METTL2A: variants seen among roughly 807,000 people sequenced by gnomAD.
METTL2A encodes the protein methyltransferase 2A, tRNA N3-cytidine.
A neutral mutation model predicts 49.4 loss-of-function variants in METTL2A; 45 were observed. The observed-to-expected ratio is 0.91, with a 90% CI of 0.72 to 1.17. The LOEUF is 1.17. Among genes scored for constraint, METTL2A ranks in the 50% most tolerant of loss-of-function variants. METTL2A has a pLI of 0.00. For synonymous variants in METTL2A, 118 were observed against 167.5 expected (o/e 0.70, Z 2.28); for missense variants, 361 against 462.2 (o/e 0.78, Z 2.01).
chr17:62,434,191 T>C (rs2070685432), intron 4 of METTL2A, among the ~76,000 whole-genome samples: 1 of 152,206 alleles, frequency 6.6e-6, no homozygotes, highest in East Asian at 1.9e-4. Flanking sequence ...CTCTCCCTTA[T>C]GATGGTCAGT....
chr17:62,433,876 A>G (rs957196189), intron 4 of METTL2A, among the ~76,000 whole-genome samples: 6 of 152,114 alleles, frequency 3.9e-5, no homozygotes, highest in Non-Finnish European at 5.9e-5. Context: ...AGCCTGGCCA[A>G]CATGGTGAAA....
chr17:62,431,783 C>T (rs568819944), intron 4 of METTL2A, among the ~76,000 whole-genome samples: 4 of 152,186 alleles, frequency 2.6e-5, no homozygotes, highest in South Asian at 2.1e-4. Flanking sequence ...TGCAGTGGCA[C>T]GATCTTGGCT....
intron 5 of METTL2A, among the ~76,000 whole-genome samples, chr17:62,438,973 A>ATTTTTTTTTT (rs1167283450): frequency 1.1e-5 from 1 of 93,548 alleles, no homozygotes; most frequent in East Asian, 4.3e-4. Context: ...CACTTGGCTA[A>ATTTTTTTTTT]TTTTTTTTTT....
rs568035642 is a variant in METTL2A at position 62,425,365 on chromosome 17, C to G, written c.203-934C>G. On this transcript the variant is annotated intron_variant, in intron 2 of 8. Coordinates refer to ENST00000311506, the MANE Select transcript of METTL2A (RefSeq NM_181725.4). Reference sequence around the variant, plus strand: ...GGGACTGTCATGATCACCTTAAAAACAGCCTTCATTTAAACTGTCCATACT... The same window carrying G: ...GGGACTGTCATGATCACCTTAAAAAGAGCCTTCATTTAAACTGTCCATACT... Among the ~76,000 whole-genome samples the G allele has an allele frequency of 4.9e-3, 630 of 129,534 alleles. 5 individuals are homozygous for G. The highest frequency in any genetic ancestry group is 0.017 in the African/African-American group (596 of 35,410). 85.0% of individuals were successfully genotyped at this position (129,534 alleles called of 152,430 possible). A position where few individuals can be genotyped will look rare whatever the true frequency, so the allele number is the denominator to read the frequency against.
intron 2 of METTL2A, among the ~76,000 whole-genome samples, chr17:62,426,000 C>CAA (rs1315462000): frequency 0.011 from 857 of 76,046 alleles, 7 homozygotes; most frequent in African/African-American, 0.039. Context: ...GACTCTGTCT[C>CAA]AAAAAAAAAA....
Position 62,451,391 on chromosome 17 carries a change from G to T in METTL2A, c.*2662G>T, listed in dbSNP as rs1417727304. ...TCGAACTCCCGACCTCAGGTGATCTGCCCGCCTTGGCCTCCCAAAGTGCTG... is the reference window on the plus strand; with the variant it reads ...TCGAACTCCCGACCTCAGGTGATCTTCCCGCCTTGGCCTCCCAAAGTGCTG... On this transcript the variant is annotated 3_prime_UTR_variant, in exon 9 of 9. Coordinates refer to ENST00000311506, the MANE Select transcript of METTL2A (RefSeq NM_181725.4). 6.6e-5 allele frequency among the ~76,000 whole-genome samples: 10 copies of T among 150,806 alleles called. No homozygotes were observed. The highest frequency in any genetic ancestry group is 1.3e-4 in the Non-Finnish European group (9 of 67,660).
At chr17:62,433,569 G>A (rs986085796) in intron 4 of METTL2A, among the ~76,000 whole-genome samples, 9 of 151,334 alleles carry the variant, frequency 5.9e-5, no homozygotes, top group Non-Finnish European at 1.3e-4. Context: ...GTGAAACCCC[G>A]TCTCTCCTAA....
chr17:62,434,133 G>A (rs771408771), intron 4 of METTL2A, among the ~76,000 whole-genome samples: 2 of 152,200 alleles, frequency 1.3e-5, no homozygotes, highest in Non-Finnish European at 2.9e-5. Context: ...TCGGAGCAGT[G>A]CTGTGGAATA....
chr17:62,441,968 A>T (rs1394231619), intron 6 of METTL2A, among the ~76,000 whole-genome samples: 2 of 151,228 alleles, frequency 1.3e-5, no homozygotes, highest in Non-Finnish European at 2.9e-5. Flanking sequence ...GGCTGGTCTC[A>T]AACTCCTGAC....
At chr17:62,433,956 G>A (rs1045417739) in intron 4 of METTL2A, among the ~76,000 whole-genome samples, 2 of 152,066 alleles carry the variant, frequency 1.3e-5, no homozygotes, top group Admixed American at 1.3e-4. Flanking sequence ...GAGCTACTTG[G>A]GGGGCTGAGG....
At position 62,449,283 on chromosome 17, in the gene METTL2A, A is replaced by G; in HGVS notation, c.*554A>G. 1 of 374,286 alleles carries G rather than the reference A, an allele frequency of 2.7e-6. No homozygotes were observed. The highest frequency in any genetic ancestry group is 9.2e-4 in the Middle Eastern group (1 of 1,082). The allele number at this position is 374,286 out of a possible 1,614,324, so 23.2% of individuals were successfully genotyped here. On this transcript the variant is annotated 3_prime_UTR_variant, in exon 9 of 9. Coordinates refer to ENST00000311506, the MANE Select transcript of METTL2A (RefSeq NM_181725.4). ...CAGTTAATACATACAGAGGTTAGTGAAGGGCTTATTAAGTTGTAGGGGAAG... is the reference window on the plus strand; with the variant it reads ...CAGTTAATACATACAGAGGTTAGTGGAGGGCTTATTAAGTTGTAGGGGAAG...
chr17:62,424,430 C>T lies in METTL2A; in HGVS notation c.202+120C>T. On this transcript the variant is annotated intron_variant, in intron 2 of 8. Transcript: ENST00000311506. ...TTTATTCCTGGCCTGATGCAGATCT[C>T]AGGAGTAGAGCGGGACAGGGAGGGG... 2.1e-6 allele frequency: 3 copies of T among 1,423,208 alleles called. No individual in the cohort carries two copies. In the East Asian group the frequency reaches 7.2e-5, roughly 34 times the overall value. 88.2% of individuals were successfully genotyped at this position (1,423,208 alleles called of 1,614,324 possible). A position where few individuals can be genotyped will look rare whatever the true frequency, so the allele number is the denominator to read the frequency against.
chr17:62,443,754 T>A (rs913537482), intron 6 of METTL2A, among the ~76,000 whole-genome samples: 3 of 152,130 alleles, frequency 2.0e-5, no homozygotes, highest in Non-Finnish European at 4.4e-5. Flanking sequence ...CATCCCTGGC[T>A]AATTTTTTTG....
intron 1 of METTL2A, 92 bp from the exon 2 acceptor site, chr17:62,424,127 C>A: frequency 6.3e-7 from 1 of 1,593,790 alleles, no homozygotes; most frequent in South Asian, 1.1e-5. Context: ...ACCCGAGGCA[C>A]TCTCCAAGGG....
Position 62,450,247 on chromosome 17 carries a change from C to CATTTTTTTT in METTL2A, c.*1518_*1519insATTTTTTTT, listed in dbSNP as rs1396756918. 11 of 80,540 alleles carry CATTTTTTTT rather than the reference C, an allele frequency of 1.4e-4. 3 individuals carry two copies. Among genetic ancestry groups the CATTTTTTTT allele is most frequent in the African/African-American group, 1.3e-4 (2 of 15,966 alleles). 5.0% of individuals were successfully genotyped at this position (80,540 alleles called of 1,614,324 possible). A position where few individuals can be genotyped will look rare whatever the true frequency, so the allele number is the denominator to read the frequency against. Reference sequence around the variant, plus strand: ...TGTGATCATTATCAGTGTTAGATGCCTTTTTTTTTTTTTTTTTTTTTTTTT... The same window carrying CATTTTTTTT: ...TGTGATCATTATCAGTGTTAGATGCCATTTTTTTTTTTTTTTTTTTTTTTTTTTTTTTTT... On this transcript the variant is annotated 3_prime_UTR_variant, in exon 9 of 9. Transcript: ENST00000311506.
chr17:62,426,522 G>A lies in METTL2A; in HGVS notation c.426G>A (p.Lys142=). 1 of 1,574,722 alleles carries A rather than the reference G, an allele frequency of 6.4e-7. No homozygotes were observed. Among genetic ancestry groups the A allele is most frequent in the Non-Finnish European group, 8.7e-7 (1 of 1,147,822 alleles). Residue 142 remains lysine, a synonymous_variant, in exon 3 of 9, where the codon AAG becomes AAA. Transcript: ENST00000311506. ...GTTTAATAATGGAAGAACAGCACAA[G>A]TGTTCTTCAAAGAGCCTTGAACATA... ...GPGLIMEEQH[K]CSSKSLEHKT...
intron 3 of METTL2A, among the ~76,000 whole-genome samples, chr17:62,427,009 G>C (rs2070633045): frequency 6.6e-6 from 1 of 152,212 alleles, no homozygotes; most frequent in Admixed American, 6.5e-5. Context: ...AGAAGAAATT[G>C]TTGCTTCTCT....
rs1237747579 is a variant in METTL2A at position 62,449,031 on chromosome 17, C to T, written c.*302C>T. On this transcript the variant is annotated 3_prime_UTR_variant, in exon 9 of 9. Transcript: ENST00000311506. The stretch of plus-strand genomic sequence containing the variant: ...TTGTATCAGGATTCTAACAATTATG[C>T]TTCATATTTGTGAAGTCCTTTAAAA... 3.4e-6 allele frequency: 1 copy of T among 295,928 alleles called. No homozygotes were observed. The highest frequency in any genetic ancestry group is 6.8e-5 in the East Asian group (1 of 14,650). The allele number at this position is 295,928 out of a possible 1,614,324, so 18.3% of individuals were successfully genotyped here. A position where few individuals can be genotyped will look rare whatever the true frequency, so the allele number is the denominator to read the frequency against.
intron 4 of METTL2A, among the ~76,000 whole-genome samples, chr17:62,434,097 G>A (rs1422252620): frequency 1.3e-5 from 2 of 152,202 alleles, no homozygotes; most frequent in Admixed American, 1.3e-4. Context: ...GCTGATTAGA[G>A]AACAGGACAG....
Sources: gnomAD v4.1 joint callset for allele counts (sites outside exome capture counted in the v4.1 genomes callset) on GRCh38, gnomAD v4.1.1 for gene constraint, MANE v1.5 for transcripts, NCBI Gene and HGNC (gene_info 2026-07-23, HGNC 2026-07-21) for gene names.